PKP4: variants seen among roughly 807,000 people sequenced by gnomAD.
PKP4 encodes plakophilin-4.
In PKP4, 90 loss-of-function variants were observed where a neutral mutation model predicts 145.1. The ratio of observed to expected loss-of-function variants is 0.62; its 90% CI spans 0.52 to 0.74. The LOEUF is 0.74. Among genes scored for constraint, PKP4 ranks in the 30% least tolerant of loss-of-function variants. The probability of loss-of-function intolerance (pLI) is 0.00; values close to 1 mark genes in which losing one functional copy is unlikely to be tolerated. For missense variants in PKP4, 1,340 were observed against 1,482.7 expected (o/e 0.90, Z 1.58); for synonymous variants, 563 against 577.2 (o/e 0.98, Z 0.35).
At position 158,654,090 on chromosome 2, in the gene PKP4, T is replaced by C. The variant is rs145593954; in HGVS notation, c.1910-4041T>C. On this transcript the variant is annotated intron_variant, in intron 11 of 21. Coordinates refer to ENST00000389759, the MANE Select transcript of PKP4 (RefSeq NM_003628.6). ...TCTTTTTCATCCATTATTTATTGAC[T>C]AGAGCTGGTTGTTTTGGCTTTATAT... Among the ~76,000 whole-genome samples the C allele has an allele frequency of 5.5e-3, 843 of 152,362 alleles. 4 individuals carry two copies. Among genetic ancestry groups the C allele is most frequent in the Non-Finnish European group, 9.1e-3 (620 of 68,038 alleles).
chr2:158,468,643 TTTC>T (rs1691035567), intron 1 of PKP4, among the ~76,000 whole-genome samples: 1 of 152,110 alleles, frequency 6.6e-6, no homozygotes, highest in Non-Finnish European at 1.5e-5. Flanking sequence ...AAGACAGTAT[TTTC>T]CTATGTGATT....
chr2:158,663,000 T>A lies in PKP4; in HGVS notation c.2315T>A (p.Leu772Gln). The A allele has an allele frequency of 1.2e-6, 2 of 1,613,788 alleles. No individual in the cohort carries two copies. Among genetic ancestry groups the A allele is most frequent in the Non-Finnish European group, 8.5e-7 (1 of 1,179,944 alleles). Residue 772 changes from leucine to glutamine, a missense_variant, in exon 14 of 22, where the codon CTA (leucine) becomes CAA (glutamine). Physicochemically the swap from Leu to Gln is moderately radical, Grantham distance 113. Coordinates refer to ENST00000389759, the MANE Select transcript of PKP4 (RefSeq NM_003628.6). Reference sequence around the variant, plus strand: ...GGACTGAACGAATTGGATGACTTACTAGGAAAAGAGTCTCCCAGCAAAGAC... The same window carrying A: ...GGACTGAACGAATTGGATGACTTACAAGGAAAAGAGTCTCCCAGCAAAGAC... ...LLGLNELDDLLGKESPSKDSE... is the reference protein window; with the variant it reads ...LLGLNELDDLQGKESPSKDSE...
At chr2:158,580,737 T>C (rs2048263407) in intron 3 of PKP4, among the ~76,000 whole-genome samples, 1 of 152,228 alleles carries the variant, frequency 6.6e-6, no homozygotes, top group Admixed American at 6.5e-5. Flanking sequence ...CTCTGAGCTG[T>C]GGTTGGAATG....
chr2:158,646,745 A>T (rs1234761562), intron 11 of PKP4, among the ~76,000 whole-genome samples: 1 of 152,184 alleles, frequency 6.6e-6, no homozygotes, highest in Non-Finnish European at 1.5e-5. Context: ...GGGAGACCTC[A>T]GAACTCATTT....
intron 11 of PKP4, among the ~76,000 whole-genome samples, chr2:158,653,316 C>T (rs181886268): frequency 7.9e-5 from 12 of 152,284 alleles, no homozygotes; most frequent in Admixed American, 6.5e-5. Context: ...TCAGTAAAAT[C>T]AGCTTCTAAT....
chr2:158,533,231 A>G lies in PKP4; in HGVS notation c.47A>G (p.Gln16Arg), dbSNP rs750230944. ...TCATTGGTGGAGGAGGGGCAACCAC[A>G]GACCCGCCAGGAAGCTGCCTCCACT... Reference protein sequence around the residue: ...QASLVEEGQPQTRQEAASTGP... With the variant: ...QASLVEEGQPRTRQEAASTGP... Residue 16 changes from glutamine (Q) to arginine (R), a missense_variant, in exon 2 of 22, where the codon CAG becomes CGG. By Grantham distance (43) the Gln-to-Arg change is conservative. Transcript: ENST00000389759. 3 of 1,613,818 alleles carry G rather than the reference A, an allele frequency of 1.9e-6. No homozygotes were observed. The highest frequency in any genetic ancestry group is 2.7e-5 in the African/African-American group (2 of 74,914).
intron 2 of PKP4, among the ~76,000 whole-genome samples, chr2:158,535,655 T>C (rs1364544759): frequency 6.6e-6 from 1 of 152,132 alleles, no homozygotes; most frequent in Non-Finnish European, 1.5e-5. Flanking sequence ...CCTGGCCGCA[T>C]GCAGTCCTCC....
At chr2:158,571,455 C>G (rs1009195124) in intron 2 of PKP4, among the ~76,000 whole-genome samples, 1 of 152,060 alleles carries the variant, frequency 6.6e-6, no homozygotes, top group African/African-American at 2.4e-5. Flanking sequence ...TAGTAAGGAG[C>G]CAGGAGCACA....
At position 158,624,997 on chromosome 2, in the gene PKP4, G is replaced by T; in HGVS notation, c.723G>T (p.Leu241=). Residue 241 remains leucine (L), a synonymous_variant, in exon 7 of 22, where the codon CTG becomes CTT. Transcript: ENST00000389759. The stretch of plus-strand genomic sequence containing the variant: ...CAAGGGGGTCTCTGAGAACTTCTCT[G>T]GGTAGTGGATTTGGCTCTCCGTCAG... ...SPSRGSLRTS[L]GSGFGSPSVT... The T allele has an allele frequency of 6.2e-7, 1 of 1,614,148 alleles. No individual in the cohort carries two copies. Among genetic ancestry groups the T allele is most frequent in the African/African-American group, 1.3e-5 (1 of 75,044 alleles).
chr2:158,532,790 A>T (rs1042978249), intron 1 of PKP4, among the ~76,000 whole-genome samples: 4 of 152,206 alleles, frequency 2.6e-5, no homozygotes, highest in Admixed American at 1.3e-4. Flanking sequence ...AGTTATTAAT[A>T]TGTTATATTT....
chr2:158,519,498 C>A (rs912342501), intron 1 of PKP4, among the ~76,000 whole-genome samples: 1 of 152,154 alleles, frequency 6.6e-6, no homozygotes, highest in African/African-American at 2.4e-5. Context: ...TCTCTCTCCC[C>A]TTGATTATCC....
chr2:158,528,384 A>G (rs1461874310), intron 1 of PKP4, among the ~76,000 whole-genome samples: 1 of 112,878 alleles, frequency 8.9e-6, no homozygotes, highest in Non-Finnish European at 1.8e-5. Flanking sequence ...AACTATCGCA[A>G]GAACAAAAAA....
At chr2:158,532,681 TCAA>T (rs1273868626) in intron 1 of PKP4, among the ~76,000 whole-genome samples, 5 of 152,352 alleles carry the variant, frequency 3.3e-5, no homozygotes, top group African/African-American at 1.2e-4. Flanking sequence ...GATTTTCTTT[TCAA>T]CACCACATTC....
chr2:158,542,596 A>C (rs760025549), intron 2 of PKP4, among the ~76,000 whole-genome samples: 21 of 152,176 alleles, frequency 1.4e-4, no homozygotes, highest in Admixed American at 6.5e-4. Flanking sequence ...TCAGTTTCCC[A>C]CTGAAAACCT....
intron 3 of PKP4, chr2:158,588,300 G>A (rs1194733701): frequency 2.0e-5 from 3 of 151,990 alleles, no homozygotes; most frequent in African/African-American, 7.3e-5. Flanking sequence ...AAAAGTTCCC[G>A]GTTCATTTTC....
intron 1 of PKP4, among the ~76,000 whole-genome samples, chr2:158,523,729 T>C (rs1460710567): frequency 1.6e-5 from 2 of 123,862 alleles, no homozygotes; most frequent in Non-Finnish European, 3.2e-5. Context: ...AGTTAAAAAC[T>C]TTGAAAAAAA....
intron 2 of PKP4, among the ~76,000 whole-genome samples, chr2:158,565,332 AAG>A (rs2105749298): frequency 6.6e-6 from 1 of 152,274 alleles, no homozygotes; most frequent in South Asian, 2.1e-4. Flanking sequence ...GCAAGAGAAA[AAG>A]AATTCTCAAT....
At chr2:158,593,552 C>T (rs1171595029) in intron 3 of PKP4, among the ~76,000 whole-genome samples, 1 of 152,184 alleles carries the variant, frequency 6.6e-6, no homozygotes, top group Non-Finnish European at 1.5e-5. Flanking sequence ...ATTCAAGGCA[C>T]TAACATAAAA....
chr2:158,463,307 T>C (rs1489186012), intron 1 of PKP4, among the ~76,000 whole-genome samples: 3 of 151,688 alleles, frequency 2.0e-5, no homozygotes, highest in Non-Finnish European at 4.4e-5. Flanking sequence ...AGTCAGTACA[T>C]GAATAAAGCG....
Sources: gnomAD v4.1 joint callset for allele counts (sites outside exome capture counted in the v4.1 genomes callset) on GRCh38, gnomAD v4.1.1 for gene constraint, MANE v1.5 for transcripts, NCBI Gene and HGNC (gene_info 2026-07-23, HGNC 2026-07-21) for gene names.